Variants in WAS observed in about 807,000 individuals in gnomAD.
WAS encodes actin nucleation-promoting factor WAS.
In WAS, 1 loss-of-function variant was observed where a neutral mutation model predicts 38.9. That is an observed-to-expected ratio of 0.03 (90% CI 0.01 to 0.12). WAS has a LOEUF of 0.12. Among genes scored for constraint, WAS ranks in the 10% least tolerant of loss-of-function variants. The pLI, the probability that WAS is intolerant of heterozygous loss-of-function variation, is 1.00. For synonymous variants in WAS, 182 were observed against 173.6 expected (o/e 1.05, Z -0.38); for missense variants, 311 against 431.2 (o/e 0.72, Z 2.47).
chrX:48,691,036 C>G, intron 11 of WAS, 71 bp from the exon 12 acceptor site: 317 of 972,074 alleles, frequency 3.3e-4, no homozygotes, highest in Non-Finnish European at 4.3e-4. Context: ...AGGGTCCAGT[C>G]CTCACCTCCC....
chrX:48,685,351 A>G (rs923318712), intron 2 of WAS, among the ~76,000 whole-genome samples, 196 bp from the exon 3 acceptor site: 20 of 111,360 alleles, frequency 1.8e-4, no homozygotes, highest in African/African-American at 6.2e-4. Context: ...AACCTCTCAC[A>G]AAAGTGTATG....
upstream of WAS, among the ~76,000 whole-genome samples, chrX:48,681,802 A>G (rs945146292): frequency 9.0e-6 from 1 of 111,706 alleles, no homozygotes. Flanking sequence ...CCACTGCAGA[A>G]GGGGTTCTGA....
At chrX:48,680,953 G>A (rs892166232), upstream of WAS, among the ~76,000 whole-genome samples, 5 of 111,930 alleles carry the variant, frequency 4.5e-5, no homozygotes, top group Non-Finnish European at 7.5e-5. Flanking sequence ...TCTGGAGGCC[G>A]AGAAAGAAGT....
Position 48,685,778 on chromosome X carries a change from G to A in WAS, c.405G>A (p.Gln135=), listed in dbSNP as rs1169580046. ...ACTTTGCAGACGAGGACGAGGCCCA[G>A]GCCTTCCGGGCCCTCGTGCAGGAGA... ...GLNFADEDEA[Q]AFRALVQEKI... The change falls in exon 4 of 12, where the codon CAG becomes CAA. Residue 135 remains glutamine, a synonymous_variant. Coordinates refer to ENST00000376701, the MANE Select transcript of WAS (RefSeq NM_000377.3). 1.7e-6 allele frequency: 2 copies of A among 1,182,260 alleles called. No individual in the cohort carries two copies. Among genetic ancestry groups the A allele is most frequent in the African/African-American group, 3.5e-5 (2 of 56,400 alleles).
chrX:48,686,000 G>C lies in WAS; in HGVS notation c.505+13G>C. ...CCAGCCAATGAAGGTGAGTCCTCTA[G>C]TGCAAGTAGGGGTAATAAGGGGCTA... On this transcript the variant is annotated intron_variant, in intron 5 of 11. Coordinates refer to ENST00000376701, the MANE Select transcript of WAS (RefSeq NM_000377.3). The C allele has an allele frequency of 3.3e-6, 4 of 1,211,511 alleles. No individual in the cohort carries two copies. The highest frequency in any genetic ancestry group is 3.5e-5 in the South Asian group (2 of 57,004).
intron 8 of WAS, 72 bp downstream of exon 8, chrX:48,688,168 C>T (rs782760255): frequency 5.2e-6 from 6 of 1,153,344 alleles, no homozygotes; most frequent in Non-Finnish European, 7.0e-6. Context: ...TGCTGAGACC[C>T]CACCCCCAGA....
At position 48,691,368 on chromosome X, in the gene WAS, C is replaced by T. The variant is rs1228500737; in HGVS notation, c.*206C>T. On this transcript the variant is annotated 3_prime_UTR_variant, in exon 12 of 12. Coordinates refer to ENST00000376701, the MANE Select transcript of WAS (RefSeq NM_000377.3). ...CCTTTTTATACAAAAATTCTCAGTT[C>T]TCTTCACTCAAGGATTTTTAAAGAA... 4.7e-6 allele frequency: 2 copies of T among 422,500 alleles called. No homozygotes were observed. Among genetic ancestry groups the T allele is most frequent in the African/African-American group, 5.0e-5 (2 of 39,764 alleles). 34.8% of individuals were successfully genotyped at this position (422,500 alleles called of 1,213,427 possible).
chrX:48,683,755 G>GT (rs781985914), upstream of WAS: 3 of 1,126,658 alleles, frequency 2.7e-6, no homozygotes, highest in South Asian at 4.2e-5. Context: ...GTCCCTTGTG[G>GT]TTTTTTGCAT....
In WAS at chrX:48,683,826, G is replaced by T; in HGVS notation, c.-28G>T. The T allele has an allele frequency of 1.7e-6, 2 of 1,209,099 alleles. No individual in the cohort carries two copies. Among genetic ancestry groups the T allele is most frequent in the Non-Finnish European group, 2.2e-6 (2 of 893,928 alleles). On this transcript the variant is annotated 5_prime_UTR_variant, in exon 1 of 12. Coordinates refer to ENST00000376701, the MANE Select transcript of WAS (RefSeq NM_000377.3). ...CTTCTTACCCTGCACCCAGAGCCTC[G>T]CCAGAGAAGACAAGGGCAGAAAGCA...
At chrX:48,680,245 G>T (rs192682460), upstream of WAS, among the ~76,000 whole-genome samples, 2 of 111,742 alleles carry the variant, frequency 1.8e-5, no homozygotes, top group Non-Finnish European at 3.8e-5. Flanking sequence ...TCCTCCTGAA[G>T]AAGTTACAGA....
At chrX:48,690,114 CCTAAT>C (rs1306426319) in intron 11 of WAS, among the ~76,000 whole-genome samples, 4 of 111,286 alleles carry the variant, frequency 3.6e-5, no homozygotes, top group African/African-American at 1.3e-4. Flanking sequence ...TATGACGTAA[CCTAAT>C]CTAATCTTTT....
intron 7 of WAS, among the ~76,000 whole-genome samples, chrX:48,687,747 G>A (rs1197851736): frequency 1.8e-5 from 2 of 111,469 alleles, no homozygotes; most frequent in African/African-American, 6.6e-5. Context: ...ACAGACATAT[G>A]TGGGCAGATA....
intron 11 of WAS, among the ~76,000 whole-genome samples, chrX:48,690,851 A>C (rs1332818348): frequency 6.2e-5 from 7 of 112,027 alleles, no homozygotes; most frequent in Non-Finnish European, 9.4e-5. Context: ...AATTCACCCT[A>C]TTATGTGATA....
In WAS at chrX:48,683,837, C is replaced by T. The variant is rs782615912; in HGVS notation, c.-17C>T. The T allele has an allele frequency of 2.5e-6, 3 of 1,208,737 alleles. No individual in the cohort carries two copies. Among genetic ancestry groups the T allele is most frequent in the African/African-American group, 1.8e-5 (1 of 57,112 alleles). ...GCACCCAGAGCCTCGCCAGAGAAGA[C>T]AAGGGCAGAAAGCACCATGAGTGGG... On this transcript the variant is annotated 5_prime_UTR_variant, in exon 1 of 12. Transcript: ENST00000376701.
chrX:48,689,918 T>C (rs900369396), intron 11 of WAS, among the ~76,000 whole-genome samples: 29 of 107,560 alleles, frequency 2.7e-4, no homozygotes, highest in Non-Finnish European at 2.3e-4. Context: ...GGAGGATTGC[T>C]TGACCCTGGG....
chrX:48,686,657 A>T (rs1007699023), intron 6 of WAS, 124 bp from the exon 7 acceptor site: 1 of 815,215 alleles, frequency 1.2e-6, no homozygotes, highest in African/African-American at 2.0e-5. Flanking sequence ...TGAACCCTTC[A>T]CCCACTACCT....
intron 5 of WAS, 36 bp from the exon 6 acceptor site, chrX:48,686,045 G>A (rs2062418622): frequency 8.3e-7 from 1 of 1,209,723 alleles, no homozygotes; most frequent in African/African-American, 1.7e-5. Context: ...CCTGTGGCAG[G>A]GCTGTGATAA....
At chrX:48,682,051 T>C, upstream of WAS, among the ~76,000 whole-genome samples, 1 of 112,097 alleles carries the variant, frequency 8.9e-6, no homozygotes, top group East Asian at 2.8e-4. Context: ...GGCCGGGGAC[T>C]GAGCTAGCAT....
In WAS at chrX:48,685,728, G is replaced by A; in HGVS notation, c.361-6G>A. 2 of 1,176,096 alleles carry A rather than the reference G, an allele frequency of 1.7e-6. No homozygotes were observed. The highest frequency in any genetic ancestry group is 3.7e-5 in the South Asian group (2 of 53,436). ...TGGGAGGCGGCTGACCCCAAGGTAT[G>A]TGCAGGACTGCCAAGCGGGGCTGAA... On this transcript the variant is annotated splice_polypyrimidine_tract_variant and splice_region_variant and intron_variant, in intron 3 of 11. Coordinates refer to ENST00000376701, the MANE Select transcript of WAS (RefSeq NM_000377.3).
Sources: gnomAD v4.1 joint callset for allele counts (sites outside exome capture counted in the v4.1 genomes callset) on GRCh38, gnomAD v4.1.1 for gene constraint, MANE v1.5 for transcripts, NCBI Gene and HGNC (gene_info 2026-07-23, HGNC 2026-07-21) for gene names.